DPP6: variants seen among roughly 807,000 people sequenced by gnomAD.
DPP6 encodes A-type potassium channel modulatory protein DPP6.
A neutral mutation model predicts 122.6 loss-of-function variants in DPP6; 69 were observed. That is an observed-to-expected ratio of 0.56 (90% CI 0.46 to 0.69). The LOEUF (loss-of-function observed/expected upper bound fraction) is 0.69, where lower values mean the gene tolerates loss of function less well. Ranked by LOEUF, DPP6 falls within the 30% of genes least tolerant of loss-of-function variation. The probability of loss-of-function intolerance (pLI) is 0.00; values close to 1 mark genes in which losing one functional copy is unlikely to be tolerated. For missense variants in DPP6, 928 were observed against 1,116.9 expected (o/e 0.83, Z 2.41); for synonymous variants, 418 against 433.1 (o/e 0.97, Z 0.43).
rs1359780942 is a variant in DPP6, at chr7:154,052,453, C to T, written c.-368C>T. 4.6e-5 allele frequency: 11 copies of T among 237,616 alleles called. No homozygotes were observed. The highest frequency in any genetic ancestry group is 1.3e-4 in the Admixed American group (2 of 16,000). The allele number at this position is 237,616 out of a possible 1,614,324, so 14.7% of individuals were successfully genotyped here. On this transcript the variant is annotated 5_prime_UTR_variant, in exon 1 of 26. Coordinates refer to ENST00000377770, the MANE Select transcript of DPP6 (RefSeq NM_130797.4). The surrounding 1 kb of genome is among the most constrained non-coding windows in gnomAD (Gnocchi z 4.8). ...AATTCTGGGGCCTAGGCATTTCCCT[C>T]GCTTTATGTTTTTGGTTTTTTTTCT...
chr7:154,879,783 A>G (rs1441954586), intron 20 of DPP6, among the ~76,000 whole-genome samples: 1 of 152,146 alleles, frequency 6.6e-6, no homozygotes, highest in Non-Finnish European at 1.5e-5. Flanking sequence ...AAAAGACTGG[A>G]GCTGCTCTCT....
intron 7 of DPP6, among the ~76,000 whole-genome samples, chr7:154,717,917 A>G (rs1159055615): frequency 6.6e-6 from 1 of 152,100 alleles, no homozygotes; most frequent in Non-Finnish European, 1.5e-5. Flanking sequence ...GCATTTGTTA[A>G]TTTTTGTCTT....
chr7:153,810,539 A>G, the DPP6 span, among the ~76,000 whole-genome samples: 56,392 of 151,420 alleles, frequency 0.37, 10,743 homozygotes, highest in South Asian at 0.47. Flanking sequence ...GGAGGGAAGA[A>G]TCATTTGCCT....
chr7:154,728,010 T>C, intron 8 of DPP6, 123 bp downstream of exon 8: 2 of 1,455,328 alleles, frequency 1.4e-6, no homozygotes, highest in Non-Finnish European at 9.1e-7. Flanking sequence ...TTCTTGAGGT[T>C]CTGCAAAATT....
chr7:154,337,474 G>A (rs1325049155), intron 1 of DPP6, among the ~76,000 whole-genome samples: 1 of 152,068 alleles, frequency 6.6e-6, no homozygotes, highest in Non-Finnish European at 1.5e-5. Flanking sequence ...CTAAAATCTC[G>A]AGTTATCAGC....
chr7:154,882,421 G>A (rs1011117399), intron 21 of DPP6, among the ~76,000 whole-genome samples: 2 of 152,224 alleles, frequency 1.3e-5, no homozygotes, highest in Non-Finnish European at 2.9e-5. Context: ...TTAGATAGAG[G>A]TCCGTAGACC....
At chr7:154,535,087 C>CA (rs34703649) in intron 3 of DPP6, among the ~76,000 whole-genome samples, 31,562 of 149,826 alleles carry the variant, frequency 0.21, 4,281 homozygotes, top group African/African-American at 0.4. Context: ...TCATTTTTGA[C>CA]AAAAAAAAAT....
chr7:154,548,885 C>T (rs1412799850), intron 4 of DPP6, among the ~76,000 whole-genome samples: 2 of 152,154 alleles, frequency 1.3e-5, no homozygotes, highest in African/African-American at 2.4e-5. Context: ...TAGAGGCTTG[C>T]AGAAGGAACA....
intron 1 of DPP6, among the ~76,000 whole-genome samples, chr7:153,993,459 TTTAAA>T (rs1797282124): frequency 6.6e-6 from 1 of 152,276 alleles, no homozygotes; most frequent in Non-Finnish European, 1.5e-5. Context: ...TCAAAGATAC[TTTAAA>T]TTATATTCTT....
At chr7:154,857,185 T>C (rs566412584) in intron 17 of DPP6, among the ~76,000 whole-genome samples, 1 of 152,014 alleles carries the variant, frequency 6.6e-6, no homozygotes, top group Admixed American at 6.6e-5. Flanking sequence ...GAAAAAAAAA[T>C]GATTAAATGT....
chr7:154,512,522 C>A (rs1586502559), intron 3 of DPP6, among the ~76,000 whole-genome samples: 2 of 152,288 alleles, frequency 1.3e-5, no homozygotes, highest in East Asian at 3.9e-4. Flanking sequence ...AAAATAATGA[C>A]TTAATCCTCA....
intron 1 of DPP6, among the ~76,000 whole-genome samples, chr7:154,292,640 A>G (rs767259424): frequency 1.3e-4 from 20 of 152,224 alleles, no homozygotes; most frequent in African/African-American, 2.7e-4. Context: ...TCAGAAGGTC[A>G]TCTGGAGAAG....
At chr7:154,708,441 T>C (rs1447057395) in intron 7 of DPP6, among the ~76,000 whole-genome samples, 2 of 152,270 alleles carry the variant, frequency 1.3e-5, no homozygotes, top group East Asian at 3.8e-4. Context: ...CAGTCTTTCA[T>C]AATCTGATAA....
intron 1 of DPP6, among the ~76,000 whole-genome samples, chr7:154,259,175 C>G (rs1001767611): frequency 7.2e-5 from 11 of 152,332 alleles, no homozygotes; most frequent in African/African-American, 2.6e-4. Context: ...AGTTTTTCTG[C>G]ATTCACTTAG....
rs1204984974 is a variant in DPP6 at position 154,624,830 on chromosome 7, CAG to C, written c.628-12989_628-12988del. 5.3e-5 allele frequency among the ~76,000 whole-genome samples: 8 copies of C among 152,210 alleles called. No homozygotes were observed. Among genetic ancestry groups the C allele is most frequent in the African/African-American group, 1.9e-4 (8 of 41,440 alleles). On this transcript the variant is annotated intron_variant, in intron 5 of 25. Transcript: ENST00000377770. This position sits in a 1 kb window ranked among gnomAD's most constrained non-coding sequence, Gnocchi z 4.7. ...GGGTGAGAAACACTGGCTATGCTAA[CAG>C]AAGCAGGCACACAGCGGCCCCGTCT...
the DPP6 span, among the ~76,000 whole-genome samples, chr7:153,827,508 T>G: frequency 6.6e-6 from 1 of 152,148 alleles, no homozygotes; most frequent in Admixed American, 6.5e-5. Context: ...GTGAATTCCT[T>G]GGGTTTTCTT....
chr7:154,587,179 A>G (rs118138269), intron 5 of DPP6: 1,774 of 174,840 alleles, frequency 0.01, 14 homozygotes, highest in Non-Finnish European at 0.014. Context: ...CAGTGAACGC[A>G]TGTCAGCTCT....
chr7:154,180,609 A>T (rs1563285803), intron 1 of DPP6, among the ~76,000 whole-genome samples: 1 of 150,664 alleles, frequency 6.6e-6, no homozygotes, highest in African/African-American at 2.4e-5. Context: ...TAAGATTTCA[A>T]AAGCCTTCCC....
chr7:154,547,714 C>G (rs1003049655), intron 4 of DPP6, among the ~76,000 whole-genome samples: 1 of 152,052 alleles, frequency 6.6e-6, no homozygotes, highest in Non-Finnish European at 1.5e-5. Flanking sequence ...CTCTTTGTCC[C>G]CCTATGTCAT....
Sources: allele counts gnomAD v4.1 joint callset (sites outside exome capture counted in the v4.1 genomes callset), GRCh38; gene constraint gnomAD v4.1.1; non-coding constraint Gnocchi (gnomAD v3.1); transcripts MANE v1.5; gene names NCBI Gene and HGNC (gene_info 2026-07-23, HGNC 2026-07-21).